Variants in RASGRP3 observed in about 807,000 individuals in gnomAD.
RASGRP3 encodes the protein ras guanyl-releasing protein 3.
Under a neutral mutation model 82.7 loss-of-function variants are expected in RASGRP3, and 54 were observed. The observed-to-expected ratio is 0.65, with a 90% CI of 0.52 to 0.82. The LOEUF is 0.82. Among genes scored for constraint, RASGRP3 ranks in the 40% least tolerant of loss-of-function variants. The probability of loss-of-function intolerance (pLI) is 0.00; values close to 1 mark genes in which losing one functional copy is unlikely to be tolerated. For synonymous variants in RASGRP3, 309 were observed against 300.5 expected (o/e 1.03, Z -0.29); for missense variants, 861 against 828.9 (o/e 1.04, Z -0.48).
At chr2:33,562,631 A>T in intron 17 of RASGRP3, 98 bp from the exon 18 acceptor site, 1 of 1,327,826 alleles carries the variant, frequency 7.5e-7, no homozygotes, top group Non-Finnish European at 1.1e-6. Context: ...ATCATTTCAG[A>T]TGTTCCCTCA....
upstream of RASGRP3, among the ~76,000 whole-genome samples, chr2:33,475,397 T>C (rs1463215078): frequency 1.3e-5 from 2 of 152,190 alleles, no homozygotes; most frequent in Non-Finnish European, 2.9e-5. Flanking sequence ...TAAATAATTA[T>C]GAGACAAAGC....
At chr2:33,444,258 A>T (rs993844663) in intron 1 of RASGRP3, among the ~76,000 whole-genome samples, 1 of 151,932 alleles carries the variant, frequency 6.6e-6, no homozygotes, top group East Asian at 1.9e-4. Flanking sequence ...GTGAACTATG[A>T]TTGCACCACT....
At chr2:33,525,352 A>ATT (rs1672442229) in intron 9 of RASGRP3, among the ~76,000 whole-genome samples, 1 of 151,464 alleles carries the variant, frequency 6.6e-6, no homozygotes, top group South Asian at 2.1e-4. Context: ...ATATATATAT[A>ATT]TATATTAGAA....
chr2:33,485,284 C>G (rs1668278066), intron 1 of RASGRP3, among the ~76,000 whole-genome samples: 1 of 152,210 alleles, frequency 6.6e-6, no homozygotes, highest in Non-Finnish European at 1.5e-5. Flanking sequence ...GACATTATGT[C>G]ATTGTCATGC....
At chr2:33,527,093 GA>G in intron 9 of RASGRP3, 43 bp from the exon 10 acceptor site, 1 of 1,602,018 alleles carries the variant, frequency 6.2e-7, no homozygotes, top group Non-Finnish European at 8.5e-7. Context: ...GGGTGTGCAG[GA>G]GGGAAAGTTG....
chr2:33,520,180 A>G (rs1340613190), intron 5 of RASGRP3, among the ~76,000 whole-genome samples, 166 bp downstream of exon 5: 2 of 151,980 alleles, frequency 1.3e-5, no homozygotes. Context: ...GGGTGGGGGG[A>G]ACTATCTTTT....
Position 33,523,941 on chromosome 2 carries a change from AT to A in RASGRP3, c.580del (p.Ser194ArgfsTer14). 6.2e-7 allele frequency: 1 copy of A among 1,613,976 alleles called. No homozygotes were observed. The highest frequency in any genetic ancestry group is 8.5e-7 in the Non-Finnish European group (1 of 1,179,852). On this transcript the variant is annotated frameshift_variant, in exon 8 of 18. Transcript: ENST00000403687. LOFTEE classifies it high-confidence loss of function. ...TGGAGAATAATCCAACCTTGGAAAG[AT>A]CGATTGCTTTATTTAATGGAATCTC... ...CLENNPTLER[S>X]IALFNGISKW...
intron 13 of RASGRP3, among the ~76,000 whole-genome samples, chr2:33,548,832 G>A (rs1295640875): frequency 2.0e-5 from 3 of 151,968 alleles, no homozygotes; most frequent in Non-Finnish European, 1.5e-5. Context: ...GGGATTATAG[G>A]CACACACCAC....
At chr2:33,462,149 C>G (rs770674895) in intron 2 of RASGRP3, among the ~76,000 whole-genome samples, 2 of 151,990 alleles carry the variant, frequency 1.3e-5, no homozygotes, top group Non-Finnish European at 2.9e-5. Flanking sequence ...TGTAAAAATT[C>G]ATTCATTTGG....
In RASGRP3 at chr2:33,511,744, A is replaced by T. The variant is rs558900624; in HGVS notation, c.-226A>T. ...AATACTTATCATTCAGGTTGAATAA[A>T]CCAGTTCTACAGACTGCTTCTTCCA... On this transcript the variant is annotated 5_prime_UTR_variant, in exon 2 of 18. Coordinates refer to ENST00000403687, the MANE Select transcript of RASGRP3 (RefSeq NM_001139488.2). 2.0e-5 allele frequency: 3 copies of T among 152,714 alleles called. No homozygotes were observed. The South Asian group carries it at 6.2e-4, about 32-fold the overall frequency. 9.5% of individuals were successfully genotyped at this position (152,714 alleles called of 1,614,324 possible). A position where few individuals can be genotyped will look rare whatever the true frequency, so the allele number is the denominator to read the frequency against.
At chr2:33,461,969 G>A (rs779148956) in intron 2 of RASGRP3, among the ~76,000 whole-genome samples, 3 of 152,184 alleles carry the variant, frequency 2.0e-5, no homozygotes, top group Admixed American at 6.5e-5. Context: ...TGGCACTAAG[G>A]CTGGAAAACA....
intron 1 of RASGRP3, among the ~76,000 whole-genome samples, chr2:33,489,255 G>A (rs534260877): frequency 3.7e-4 from 56 of 152,272 alleles, no homozygotes; most frequent in Non-Finnish European, 6.2e-4. Context: ...AAAATCTCAC[G>A]CAAACATGCC....
intron 1 of RASGRP3, among the ~76,000 whole-genome samples, chr2:33,443,107 T>A (rs1443530131): frequency 6.6e-6 from 1 of 152,212 alleles, no homozygotes; most frequent in Non-Finnish European, 1.5e-5. Context: ...TCTGAATAAC[T>A]CCCTGTTGCC....
intron 12 of RASGRP3, among the ~76,000 whole-genome samples, chr2:33,542,299 T>A (rs17013281): frequency 0.025 from 3,685 of 146,736 alleles, 261 homozygotes; most frequent in African/African-American, 0.086. Flanking sequence ...CCACTCTCTG[T>A]GGTAATTTGT....
chr2:33,550,364 C>T (rs964965960), intron 14 of RASGRP3, among the ~76,000 whole-genome samples: 3 of 152,172 alleles, frequency 2.0e-5, no homozygotes, highest in African/African-American at 4.8e-5. Context: ...AACCCAGGTT[C>T]CCGAGGATTG....
In RASGRP3 at chr2:33,564,391, A is replaced by G. The variant is rs934861007; in HGVS notation, c.*1654A>G. ...TAATAAGAGAACGTGCCATCTGTAA[A>G]GCACTCAGAAGGCAGCCATCCCTAG... On this transcript the variant is annotated 3_prime_UTR_variant, in exon 18 of 18. Coordinates refer to ENST00000403687, the MANE Select transcript of RASGRP3 (RefSeq NM_001139488.2). The G allele has an allele frequency of 2.0e-5, 3 of 152,216 alleles. No individual in the cohort carries two copies. The highest frequency in any genetic ancestry group is 4.8e-5 in the African/African-American group (2 of 41,456). The allele number at this position is 152,216 out of a possible 1,614,324, so 9.4% of individuals were successfully genotyped here.
chr2:33,553,568 A>G (rs1007177132), intron 14 of RASGRP3, among the ~76,000 whole-genome samples: 4 of 152,112 alleles, frequency 2.6e-5, no homozygotes, highest in African/African-American at 7.2e-5. Context: ...ACAAAAGAGA[A>G]GCAAACTAGA....
intron 2 of RASGRP3, among the ~76,000 whole-genome samples, chr2:33,468,036 CTTTCT>C (rs1160356201): frequency 9.4e-6 from 1 of 106,232 alleles, no homozygotes; most frequent in African/African-American, 4.9e-5. Flanking sequence ...TTCTTTCTTT[CTTTCT>C]TTCTCTCTTA....
At chr2:33,548,719 T>TA (rs1675077531) in intron 13 of RASGRP3, among the ~76,000 whole-genome samples, 1 of 152,096 alleles carries the variant, frequency 6.6e-6, no homozygotes, top group African/African-American at 2.4e-5. Flanking sequence ...TTATTATTAT[T>TA]TTTTGAGACA....
Sources: allele counts gnomAD v4.1 joint callset (sites outside exome capture counted in the v4.1 genomes callset), GRCh38; gene constraint gnomAD v4.1.1; transcripts MANE v1.5; gene names NCBI Gene and HGNC (gene_info 2026-07-23, HGNC 2026-07-21).